TIMMDC1: variants seen among roughly 807,000 people sequenced by gnomAD.
TIMMDC1 encodes the protein translocase of inner mitochondrial membrane domain containing 1, also known as complex I assembly factor TIMMDC1, mitochondrial.
A neutral mutation model predicts 32.6 loss-of-function variants in TIMMDC1; 25 were observed. That is an observed-to-expected ratio of 0.77 (90% confidence interval 0.56 to 1.07). The LOEUF (loss-of-function observed/expected upper bound fraction) is 1.07. Among genes scored for constraint, TIMMDC1 ranks in the 50% least tolerant of loss-of-function variants. The pLI is 0.00. For missense variants in TIMMDC1, 329 were observed against 349.2 expected (o/e 0.94, Z 0.46); for synonymous variants, 130 against 127.6 (o/e 1.02, Z -0.13).
chr3:119,520,279 G>A (rs2082017007), intron 6 of TIMMDC1, among the ~76,000 whole-genome samples: 1 of 151,924 alleles, frequency 6.6e-6, no homozygotes, highest in Non-Finnish European at 1.5e-5. Flanking sequence ...GTGAAATAGA[G>A]ACTTAAAAAC....
At chr3:119,511,929 T>C (rs1040079522) in intron 4 of TIMMDC1, among the ~76,000 whole-genome samples, 1 of 152,246 alleles carries the variant, frequency 6.6e-6, no homozygotes, top group African/African-American at 2.4e-5. Context: ...ACTTGCATAC[T>C]TTTATTTGGA....
chr3:119,520,293 C>CA (rs369514788), intron 6 of TIMMDC1, among the ~76,000 whole-genome samples: 6 of 151,390 alleles, frequency 4.0e-5, no homozygotes, highest in African/African-American at 9.7e-5. Flanking sequence ...TAAAAACAAA[C>CA]AAAAAAACAC....
Position 119,498,665 on chromosome 3 carries a change from T to A in TIMMDC1, c.-69T>A, listed in dbSNP as rs2081842238. The A allele has an allele frequency of 1.3e-5, 20 of 1,504,536 alleles. No homozygotes were observed. In the South Asian group the frequency reaches 2.3e-4, roughly 18 times the overall value. The allele number at this position is 1,504,536 out of a possible 1,614,324, so 93.2% of individuals were successfully genotyped here. A position where few individuals can be genotyped will look rare whatever the true frequency, so the allele number is the denominator to read the frequency against. On this transcript the variant is annotated 5_prime_UTR_variant, in exon 1 of 7. Transcript: ENST00000494664. ...ATTCTCACCTCGTACAGTTACGCTC[T>A]CCCGCGGCACGTCCGCGAGGACTTG...
intron 1 of TIMMDC1, 137 bp from the exon 2 acceptor site, chr3:119,500,558 T>C: frequency 4.0e-6 from 3 of 759,128 alleles, no homozygotes; most frequent in Non-Finnish European, 6.3e-6. Context: ...AACTGAACTG[T>C]TTAATTCATC....
intron 2 of TIMMDC1, 26 bp from the exon 3 acceptor site, chr3:119,503,506 C>T: frequency 2.6e-6 from 4 of 1,560,904 alleles, no homozygotes; most frequent in Non-Finnish European, 3.5e-6. Flanking sequence ...TGTCTTAGAA[C>T]CTCACAGTTT....
chr3:119,498,908 C>G lies in TIMMDC1; in HGVS notation c.175C>G (p.Arg59Gly), dbSNP rs774619141. Residue 59 changes from arginine (R) to glycine (G), a missense_variant, in exon 1 of 7, where the codon CGG becomes GGG. Physicochemically the swap from Arg to Gly is moderately radical, Grantham distance 125. Transcript: ENST00000494664. The part of the protein sequence containing the change: ...YYPESGWDRL[R>G]ELFGKDEQQR... ...CCCGGAATCTGGATGGGACCGCCTC[C>G]GGGAGCTGTTTGGCAAAGAGTAAAA... is the stretch of plus-strand genomic sequence containing the variant. 1.2e-6 allele frequency: 2 copies of G among 1,613,836 alleles called. No homozygotes were observed.
chr3:119,520,389 A>G (rs1315401496), intron 6 of TIMMDC1, among the ~76,000 whole-genome samples: 5 of 152,104 alleles, frequency 3.3e-5, no homozygotes, highest in Non-Finnish European at 1.5e-5. Flanking sequence ...TAAGGTAAAA[A>G]ACAAAAAAGG....
intron 5 of TIMMDC1, among the ~76,000 whole-genome samples, 156 bp downstream of exon 5, chr3:119,513,875 T>G (rs549733446): frequency 2.6e-5 from 4 of 152,350 alleles, no homozygotes; most frequent in African/African-American, 9.6e-5. Context: ...CTGTCCATTC[T>G]AATTCTACCC....
rs74426820 is a variant in TIMMDC1, at chr3:119,520,753, TACA to T, written c.708-2845_708-2843del. Among the ~76,000 whole-genome samples the T allele has an allele frequency of 7.2e-5, 11 of 152,244 alleles. No homozygotes were observed. In the East Asian group the frequency reaches 2.1e-3, roughly 29 times the overall value. ...TTCTACAAGGCTAGCATTACCCTTA[TACA>T]ACAACAAACAGACAAAGGCTCATTA... On this transcript the variant is annotated intron_variant, in intron 6 of 6. Coordinates refer to ENST00000494664, the MANE Select transcript of TIMMDC1 (RefSeq NM_016589.4).
chr3:119,507,855 G>A (rs1389176014), intron 4 of TIMMDC1, among the ~76,000 whole-genome samples: 1 of 152,166 alleles, frequency 6.6e-6, no homozygotes, highest in Non-Finnish European at 1.5e-5. Context: ...TAGTCTTTTA[G>A]TGAGCCTGTG....
Position 119,498,626 on chromosome 3 carries a change from G to T in TIMMDC1, c.-108G>T, listed in dbSNP as rs1262921909. On this transcript the variant is annotated 5_prime_UTR_variant, in exon 1 of 7. Transcript: ENST00000494664. ...AGCCCTCTGGCAGAGGGTTAACCTG[G>T]GTCAAATGCACGGATTCTCACCTCG... The T allele has an allele frequency of 7.1e-6, 8 of 1,130,924 alleles. No homozygotes were observed. The highest frequency in any genetic ancestry group is 5.9e-5 in the Admixed American group (3 of 51,280). The allele number at this position is 1,130,924 out of a possible 1,614,324, so 70.1% of individuals were successfully genotyped here.
chr3:119,509,388 A>G (rs1012723266), intron 4 of TIMMDC1, among the ~76,000 whole-genome samples: 1 of 152,238 alleles, frequency 6.6e-6, no homozygotes, highest in African/African-American at 2.4e-5. Context: ...TAAATAAAAT[A>G]TGATATGTCC....
At chr3:119,520,203 G>A (rs1285335292) in intron 6 of TIMMDC1, among the ~76,000 whole-genome samples, 3 of 151,844 alleles carry the variant, frequency 2.0e-5, no homozygotes, top group South Asian at 2.1e-4. Flanking sequence ...CAGGGAACTC[G>A]AAAAGCAAGA....
intron 1 of TIMMDC1, chr3:119,500,266 C>T (rs2081860721): frequency 1.3e-5 from 2 of 152,940 alleles, no homozygotes; most frequent in Admixed American, 1.3e-4. Flanking sequence ...CTCACAAATT[C>T]TTCCTATTTC....
In TIMMDC1 at chr3:119,513,777, A is replaced by G. The variant is rs572727877; in HGVS notation, c.596+58A>G. On this transcript the variant is annotated intron_variant, in intron 5 of 6. Transcript: ENST00000494664. ...CACAATTTTCATTAATACCTTGCCT[A>G]TTAAAAAGTCTCATTTATTTTCAAA... 3.0e-5 allele frequency: 33 copies of G among 1,104,960 alleles called. No homozygotes were observed. In the East Asian group the frequency reaches 8.3e-4, roughly 28 times the overall value. The allele number at this position is 1,104,960 out of a possible 1,614,324, so 68.4% of individuals were successfully genotyped here.
At chr3:119,499,300 A>G (rs929642693) in intron 1 of TIMMDC1, among the ~76,000 whole-genome samples, 2 of 150,830 alleles carry the variant, frequency 1.3e-5, no homozygotes, top group Non-Finnish European at 2.9e-5. Context: ...GGTTCTTACC[A>G]TGTTGCCTAG....
At chr3:119,502,314 C>T (rs1357062479) in intron 2 of TIMMDC1, among the ~76,000 whole-genome samples, 1 of 151,794 alleles carries the variant, frequency 6.6e-6, no homozygotes, top group Non-Finnish European at 1.5e-5. Context: ...GCTGCAACCT[C>T]CATTTCCCAG....
chr3:119,504,194 A>G (rs1344340527), intron 4 of TIMMDC1, among the ~76,000 whole-genome samples, 173 bp downstream of exon 4: 7 of 152,336 alleles, frequency 4.6e-5, no homozygotes, highest in East Asian at 1.9e-4. Flanking sequence ...GATATACTCA[A>G]TGGGCAAAAC....
intron 4 of TIMMDC1, among the ~76,000 whole-genome samples, chr3:119,509,105 C>T (rs2081936874): frequency 6.6e-6 from 1 of 152,036 alleles, no homozygotes; most frequent in South Asian, 2.1e-4. Flanking sequence ...ACTTGGGAGG[C>T]TGAGGCAGGA....
Sources: gnomAD v4.1 joint callset for allele counts (sites outside exome capture counted in the v4.1 genomes callset) on GRCh38, gnomAD v4.1.1 for gene constraint, MANE v1.5 for transcripts, NCBI Gene and HGNC (gene_info 2026-07-23, HGNC 2026-07-21) for gene names.